The following BARD1 variants were observed in gnomAD, a reference collection of about 807,000 sequenced individuals.
BARD1 encodes BRCA1-associated RING domain protein 1.
In BARD1, 73 loss-of-function variants were observed where a neutral mutation model predicts 77.0. The ratio of observed to expected loss-of-function variants is 0.95; its 90% CI spans 0.79 to 1.15. BARD1 has a LOEUF of 1.15. Ranked by LOEUF, BARD1 falls within the 50% of genes most tolerant of loss-of-function variation. The pLI, the probability that BARD1 is intolerant of heterozygous loss-of-function variation, is 0.00. For missense variants in BARD1, 993 were observed against 938.8 expected, an observed-to-expected ratio of 1.06 and a Z score of -0.75; for synonymous variants, 384 against 338.0, an observed-to-expected ratio of 1.14 and a Z score of -1.49.
chr2:214,807,898 T>A (rs1268391098), intron 1 of BARD1, among the ~76,000 whole-genome samples: 2 of 152,368 alleles, frequency 1.3e-5, no homozygotes, highest in African/African-American at 4.8e-5. Context: ...ATAATGCTTC[T>A]GTTATTGCAA....
chr2:214,781,541 C>T (rs760754991), intron 3 of BARD1, 32 bp from the exon 4 acceptor site: 1 of 1,578,492 alleles, frequency 6.3e-7, no homozygotes, highest in African/African-American at 1.4e-5. Flanking sequence ...AAATCTGTTA[C>T]ATGAAATTTA....
rs760541330 is a variant in BARD1, at chr2:214,728,865, C to T, written c.2145G>A (p.Gln715=). The change falls in exon 11 of 11, where the codon CAG becomes CAA. Residue 715 remains glutamine (Q), a synonymous_variant. Coordinates refer to ENST00000260947, the MANE Select transcript of BARD1 (RefSeq NM_000465.4). ...RKPKPDSDVT[Q]TINTVAYHAR... ...CATGGTATGCGACTGTATTGATGGT[C>T]TGAGTCACGTCACTGTCTGGCTTGG... The T allele has an allele frequency of 4.3e-6, 7 of 1,614,110 alleles. No homozygotes were observed. The highest frequency in any genetic ancestry group is 1.3e-5 in the African/African-American group (1 of 74,932).
chr2:214,730,307 A>C (rs1435703905), intron 10 of BARD1, 104 bp downstream of exon 10: 1 of 957,672 alleles, frequency 1.0e-6, no homozygotes, highest in Non-Finnish European at 1.7e-6. Context: ...TTAAAATTTT[A>C]ATCAGTCACC....
At chr2:214,746,853 A>C (rs1693144387) in intron 7 of BARD1, among the ~76,000 whole-genome samples, 2 of 152,270 alleles carry the variant, frequency 1.3e-5, no homozygotes, top group Admixed American at 6.5e-5. Context: ...AAATTGACAA[A>C]TGGGATCTCA....
At chr2:214,784,511 G>A (rs972107685) in intron 3 of BARD1, among the ~76,000 whole-genome samples, 3 of 152,066 alleles carry the variant, frequency 2.0e-5, no homozygotes, top group African/African-American at 7.2e-5. Context: ...ATTTGACCCA[G>A]CAATCTCATT....
chr2:214,802,615 G>C (rs1298266667), intron 1 of BARD1, among the ~76,000 whole-genome samples: 1 of 152,074 alleles, frequency 6.6e-6, no homozygotes, highest in Non-Finnish European at 1.5e-5. Flanking sequence ...ACCTAGCATG[G>C]TGCTAGATTA....
Position 214,780,767 on chromosome 2 carries a change from T to A in BARD1, c.1107A>T (p.Lys369Asn), listed in dbSNP as rs876660211. Residue 369 changes from lysine to asparagine, a missense_variant, in exon 4 of 11, where the codon AAA becomes AAT. Coordinates refer to ENST00000260947, the MANE Select transcript of BARD1 (RefSeq NM_000465.4). ...TCCCTGATGTACCACCAACTTTACGTTTGCATGAAGGTGGTGAAGAACATT... is the reference window on the plus strand; with the variant it reads ...TCCCTGATGTACCACCAACTTTACGATTGCATGAAGGTGGTGAAGAACATT... ...LPECSSPPSC[K>N]RKVGGTSGRK... 15 of 1,614,062 alleles carry A rather than the reference T, an allele frequency of 9.3e-6. No individual in the cohort carries two copies. The highest frequency in any genetic ancestry group is 1.3e-5 in the Non-Finnish European group (15 of 1,179,962).
intron 6 of BARD1, among the ~76,000 whole-genome samples, chr2:214,753,235 T>C (rs921492605): frequency 3.3e-5 from 5 of 152,110 alleles, no homozygotes; most frequent in African/African-American, 1.2e-4. Flanking sequence ...TCCAATGGCT[T>C]AACTAAGGTC....
At chr2:214,739,295 C>T (rs1244862774) in intron 9 of BARD1, among the ~76,000 whole-genome samples, 1 of 149,896 alleles carries the variant, frequency 6.7e-6, no homozygotes, top group East Asian at 2.0e-4. Flanking sequence ...TATATGAAAA[C>T]AAATGTTCTA....
chr2:214,759,589 A>T (rs1156320240), intron 6 of BARD1, among the ~76,000 whole-genome samples: 2 of 152,224 alleles, frequency 1.3e-5, no homozygotes, highest in African/African-American at 4.8e-5. Flanking sequence ...CTGTTATTTA[A>T]ATGCAAGACA....
intron 7 of BARD1, among the ~76,000 whole-genome samples, chr2:214,750,285 C>A (rs1038010318): frequency 6.6e-6 from 1 of 152,116 alleles, no homozygotes; most frequent in African/African-American, 2.4e-5. Context: ...CTTCCTACTC[C>A]CAGCTAGCCT....
intron 7 of BARD1, among the ~76,000 whole-genome samples, chr2:214,749,008 A>C (rs1003254580): frequency 6.6e-6 from 1 of 152,134 alleles, no homozygotes; most frequent in African/African-American, 2.4e-5. Context: ...GAAAATAAAA[A>C]TACATTACAT....
At chr2:214,769,935 T>G (rs923750950) in intron 4 of BARD1, among the ~76,000 whole-genome samples, 1 of 152,186 alleles carries the variant, frequency 6.6e-6, no homozygotes, top group Non-Finnish European at 1.5e-5. Flanking sequence ...ATTTCACTTG[T>G]GAAAAAAACA....
chr2:214,797,728 G>A (rs934193167), intron 1 of BARD1, among the ~76,000 whole-genome samples: 6 of 152,060 alleles, frequency 3.9e-5, no homozygotes, highest in African/African-American at 1.2e-4. Context: ...ATTTTTCACA[G>A]ATATATTGTG....
intron 3 of BARD1, 138 bp from the exon 4 acceptor site, chr2:214,781,647 T>G: frequency 1.5e-6 from 1 of 677,844 alleles, no homozygotes; most frequent in South Asian, 1.9e-5. Flanking sequence ...TCCTAGAGTG[T>G]GAACTCTTTG....
In BARD1 at chr2:214,776,916, TGAA is replaced by T. The variant is rs1202954724; in HGVS notation, c.1314+3641_1314+3643del. Among the ~76,000 whole-genome samples, 4 of 152,054 alleles carry T rather than the reference TGAA, an allele frequency of 2.6e-5. No homozygotes were observed. The East Asian group carries it at 5.8e-4, about 22-fold the overall frequency. ...CTCAATCTGCTGCTGCTGGATGAGA[TGAA>T]GAAGAGGACCACGAACTAAAGGAAT... On this transcript the variant is annotated intron_variant, in intron 4 of 10. Coordinates refer to ENST00000260947, the MANE Select transcript of BARD1 (RefSeq NM_000465.4).
chr2:214,800,108 T>G (rs967856804), intron 1 of BARD1, among the ~76,000 whole-genome samples: 1 of 152,260 alleles, frequency 6.6e-6, no homozygotes, highest in Non-Finnish European at 1.5e-5. Context: ...ATTCTGTTTC[T>G]CAACTTTAAA....
intron 10 of BARD1, 135 bp downstream of exon 10, chr2:214,730,276 A>G: frequency 1.4e-6 from 1 of 738,688 alleles, no homozygotes; most frequent in Non-Finnish European, 2.4e-6. Flanking sequence ...TTTCAGAATC[A>G]AGTGCTTGAA....
At chr2:214,742,379 T>C (rs1047191069) in intron 9 of BARD1, among the ~76,000 whole-genome samples, 2 of 152,168 alleles carry the variant, frequency 1.3e-5, no homozygotes, top group Non-Finnish European at 2.9e-5. Context: ...GAGAACAGTA[T>C]AGAAACTATG....
Sources: allele counts gnomAD v4.1 joint callset (sites outside exome capture counted in the v4.1 genomes callset), GRCh38; gene constraint gnomAD v4.1.1; transcripts MANE v1.5; gene names NCBI Gene and HGNC (gene_info 2026-07-23, HGNC 2026-07-21).